The following ADGRL2 variants were observed in gnomAD, a reference collection of about 807,000 sequenced individuals.
ADGRL2 encodes calcium-independent alpha-latrotoxin receptor 2.
Under a neutral mutation model 157.4 loss-of-function variants are expected in ADGRL2, and 44 were observed. That is an observed-to-expected ratio of 0.28 (90% CI 0.22 to 0.36). ADGRL2 has a LOEUF of 0.36. Among genes scored for constraint, ADGRL2 ranks in the 10% least tolerant of loss-of-function variants. The pLI, the probability that ADGRL2 is intolerant of heterozygous loss-of-function variation, is 1.00. For synonymous variants in ADGRL2, 585 were observed against 624.7 expected (o/e 0.94, Z 0.95); for missense variants, 1,510 against 1,768.9 (o/e 0.85, Z 2.63).
At chr1:81,822,362 A>G (rs546069004) in intron 1 of ADGRL2, among the ~76,000 whole-genome samples, 1 of 151,868 alleles carries the variant, frequency 6.6e-6, no homozygotes, top group South Asian at 2.1e-4. Context: ...GAAGTTGTGC[A>G]AGAAAAAAAT....
intron 1 of ADGRL2, among the ~76,000 whole-genome samples, chr1:81,438,015 C>T (rs956454468): frequency 6.8e-6 from 1 of 147,528 alleles, no homozygotes; most frequent in Admixed American, 7.0e-5. Flanking sequence ...GTTACCCTCT[C>T]TCTTTATTTT....
intron 1 of ADGRL2, chr1:81,414,362 T>C (rs1049024829): frequency 1.3e-5 from 2 of 152,158 alleles, no homozygotes; most frequent in Non-Finnish European, 2.9e-5. Context: ...GTAATAAAAG[T>C]GAATTTTTTC....
intron 11 of ADGRL2, among the ~76,000 whole-genome samples, chr1:81,961,509 C>CT (rs5775655): frequency 0.92 from 126,918 of 137,248 alleles, 58,774 homozygotes; most frequent in Admixed American, 0.94. Context: ...AATTTTCTTT[C>CT]TTTTTTTTTT....
intron 1 of ADGRL2, among the ~76,000 whole-genome samples, chr1:81,410,296 T>A (rs2076926141): frequency 6.6e-6 from 1 of 152,226 alleles, no homozygotes; most frequent in Non-Finnish European, 1.5e-5. Flanking sequence ...TTGTATTAGG[T>A]CCTGCATTGA....
chr1:81,469,003 C>A (rs565605983), intron 2 of ADGRL2, among the ~76,000 whole-genome samples: 35 of 152,122 alleles, frequency 2.3e-4, no homozygotes, highest in Admixed American at 1.4e-3. Flanking sequence ...TCCCACATCA[C>A]GAGATGACTT....
chr1:81,342,259 G>A (rs1662126991), intron 1 of ADGRL2, among the ~76,000 whole-genome samples: 1 of 152,092 alleles, frequency 6.6e-6, no homozygotes, highest in African/African-American at 2.4e-5. Flanking sequence ...TTATTTAAAT[G>A]TCCATATGTT....
intron 3 of ADGRL2, among the ~76,000 whole-genome samples, chr1:81,599,735 C>T (rs112700844): frequency 6.6e-6 from 1 of 152,142 alleles, no homozygotes; most frequent in Non-Finnish European, 1.5e-5. Flanking sequence ...AAGTATTGCT[C>T]TCTCCATTTT....
intron 1 of ADGRL2, among the ~76,000 whole-genome samples, chr1:81,367,755 T>C (rs189048168): frequency 3.2e-4 from 49 of 152,308 alleles, no homozygotes. Flanking sequence ...TTTCACCATG[T>C]TGGTCAGGCT....
chr1:81,775,587 A>ATT (rs2086549551), intron 2 of ADGRL2, among the ~76,000 whole-genome samples: 1 of 150,634 alleles, frequency 6.6e-6, no homozygotes, highest in African/African-American at 2.4e-5. Flanking sequence ...CCTGGTTTAA[A>ATT]AAAAAAAAAA....
At chr1:81,537,522 G>A (rs929669999) in intron 2 of ADGRL2, among the ~76,000 whole-genome samples, 3 of 151,954 alleles carry the variant, frequency 2.0e-5, no homozygotes, top group Non-Finnish European at 4.4e-5. Context: ...CCAACCTCAC[G>A]TGATCCTCCT....
At chr1:81,871,356 C>A (rs1177761371) in intron 2 of ADGRL2, among the ~76,000 whole-genome samples, 1 of 151,914 alleles carries the variant, frequency 6.6e-6, no homozygotes, top group Non-Finnish European at 1.5e-5. Flanking sequence ...TGGGTTGGCT[C>A]CAAGTCTTTG....
chr1:81,515,538 T>C (rs1354797269), intron 2 of ADGRL2, among the ~76,000 whole-genome samples: 1 of 152,212 alleles, frequency 6.6e-6, no homozygotes, highest in East Asian at 1.9e-4. Context: ...GTATAGTAGT[T>C]GGTCATTCAC....
intron 3 of ADGRL2, among the ~76,000 whole-genome samples, chr1:81,582,752 T>C (rs895643606): frequency 6.6e-6 from 1 of 152,182 alleles, no homozygotes; most frequent in Non-Finnish European, 1.5e-5. Context: ...TCAGATTGCA[T>C]GCCTTCTCAC....
rs1664401920 is a variant in ADGRL2 at position 81,990,562 on chromosome 1, A to C, written c.3827A>C (p.Glu1276Ala). Residue 1276 changes from glutamate (E) to alanine (A), a missense_variant, in exon 24 of 24, where the codon GAA becomes GCA. Transcript: ENST00000686636. The stretch of plus-strand genomic sequence containing the variant: ...GCTTTTGAGAAAATGATCATTTCAG[A>C]ATTAGTGCACAACAACTTACGGGGC... ...DTAFEKMIISELVHNNLRGSS... is the reference protein window; with the variant it reads ...DTAFEKMIISALVHNNLRGSS... The C allele has an allele frequency of 1.2e-6, 2 of 1,614,026 alleles. No individual in the cohort carries two copies. The highest frequency in any genetic ancestry group is 2.2e-5 in the South Asian group (2 of 91,092).
rs1328488034 is a variant in ADGRL2 at position 81,724,368 on chromosome 1, G to A, written c.-143+24560G>A. Among the ~76,000 whole-genome samples, 3 of 152,082 alleles carry A rather than the reference G, an allele frequency of 2.0e-5. No homozygotes were observed. In the East Asian group the frequency reaches 5.8e-4, roughly 29 times the overall value. On this transcript the variant is annotated intron_variant, in intron 1 of 20. Coordinates refer to the ADGRL2 transcript ENST00000359929. ...TTGTATTTTGAAAATAATAAGGTTT[G>A]AATTAAATTGATATGCACAGAGGGG...
chr1:81,939,335 A>G (rs2095354305), intron 4 of ADGRL2, among the ~76,000 whole-genome samples: 1 of 151,552 alleles, frequency 6.6e-6, no homozygotes, highest in African/African-American at 2.4e-5. Context: ...TTTATATTTG[A>G]AAGAAGTCAT....
chr1:81,958,026 G>A (rs918466195), intron 11 of ADGRL2, among the ~76,000 whole-genome samples: 12 of 151,758 alleles, frequency 7.9e-5, no homozygotes, highest in Admixed American at 2.6e-4. Flanking sequence ...ATGGGAGGCC[G>A]AGGTGGATGG....
chr1:81,763,032 A>G (rs1465781344), intron 2 of ADGRL2, among the ~76,000 whole-genome samples: 2 of 134,386 alleles, frequency 1.5e-5, no homozygotes, highest in Non-Finnish European at 3.1e-5. Context: ...TGGGTGACAG[A>G]GCCAGACTCC....
At chr1:81,705,334 T>C (rs2083698666) in intron 1 of ADGRL2, among the ~76,000 whole-genome samples, 1 of 152,088 alleles carries the variant, frequency 6.6e-6, no homozygotes, top group Non-Finnish European at 1.5e-5. Flanking sequence ...CCCAGCCCTG[T>C]GTATTATTTT....
Sources: allele counts gnomAD v4.1 joint callset (sites outside exome capture counted in the v4.1 genomes callset), GRCh38; gene constraint gnomAD v4.1.1; transcripts MANE v1.5; gene names NCBI Gene and HGNC (gene_info 2026-07-23, HGNC 2026-07-21).